The following EHBP1 variants were observed in gnomAD, a reference collection of about 807,000 sequenced individuals.
EHBP1 encodes EH domain binding protein 1.
In EHBP1, 55 loss-of-function variants were observed where a neutral mutation model predicts 144.0. The ratio of observed to expected loss-of-function variants is 0.38; its 90% CI spans 0.31 to 0.48. EHBP1 has a LOEUF of 0.48. Ranked by LOEUF, EHBP1 falls within the 20% of genes least tolerant of loss-of-function variation. The probability of loss-of-function intolerance (pLI) is 0.98; values close to 1 mark genes in which losing one functional copy is unlikely to be tolerated. For missense variants in EHBP1, 1,200 were observed against 1,364.2 expected (o/e 0.88, Z 1.90); for synonymous variants, 469 against 472.7 (o/e 0.99, Z 0.10).
At chr2:62,924,628 C>A (rs2153018245) in intron 10 of EHBP1, among the ~76,000 whole-genome samples, 1 of 152,218 alleles carries the variant, frequency 6.6e-6, no homozygotes, top group South Asian at 2.1e-4. Context: ...AATTCCTGGA[C>A]ACATATCTAC....
chr2:62,805,154 A>G (rs1275781161), intron 5 of EHBP1, among the ~76,000 whole-genome samples: 1 of 152,216 alleles, frequency 6.6e-6, no homozygotes, highest in Non-Finnish European at 1.5e-5. Flanking sequence ...TGAAGAATTG[A>G]CTAAGAATTT....
chr2:62,742,533 T>C (rs993017983), intron 2 of EHBP1, among the ~76,000 whole-genome samples: 1 of 152,088 alleles, frequency 6.6e-6, no homozygotes, highest in South Asian at 2.1e-4. Flanking sequence ...AAATGAGTGG[T>C]CTGAAAAGCA....
At chr2:62,823,968 A>G (rs2046165677) in intron 5 of EHBP1, among the ~76,000 whole-genome samples, 1 of 152,074 alleles carries the variant, frequency 6.6e-6, no homozygotes, top group Admixed American at 6.6e-5. Context: ...TAATTGCTTA[A>G]GTAGTACAGC....
At chr2:62,751,732 A>G (rs554251368) in intron 3 of EHBP1, among the ~76,000 whole-genome samples, 1 of 152,242 alleles carries the variant, frequency 6.6e-6, no homozygotes, top group South Asian at 2.1e-4. Context: ...TGTGTCCAGG[A>G]ATTTATGCAT....
chr2:62,725,343 C>T (rs2036660517), intron 2 of EHBP1, among the ~76,000 whole-genome samples: 1 of 152,190 alleles, frequency 6.6e-6, no homozygotes, highest in African/African-American at 2.4e-5. Flanking sequence ...CGGCAGTGTG[C>T]TAGTGGGTCC....
intron 3 of EHBP1, among the ~76,000 whole-genome samples, chr2:62,763,191 AC>A (rs1452885985): frequency 6.6e-6 from 1 of 151,952 alleles, no homozygotes; most frequent in African/African-American, 2.4e-5. Flanking sequence ...GAAAAATATT[AC>A]CTTTTCTTAC....
chr2:62,847,850 C>T (rs2048401876), intron 7 of EHBP1, among the ~76,000 whole-genome samples: 1 of 151,982 alleles, frequency 6.6e-6, no homozygotes, highest in Non-Finnish European at 1.5e-5. Flanking sequence ...AAGATTTGGA[C>T]ATATGGTTCA....
chr2:62,968,454 A>G (rs546132038), intron 14 of EHBP1, among the ~76,000 whole-genome samples: 1 of 152,198 alleles, frequency 6.6e-6, no homozygotes, highest in Non-Finnish European at 1.5e-5. Flanking sequence ...ACAGAGAGAG[A>G]CAAGAGAGAA....
intron 10 of EHBP1, among the ~76,000 whole-genome samples, chr2:62,933,671 T>C (rs2056171518): frequency 6.6e-6 from 1 of 152,158 alleles, no homozygotes; most frequent in African/African-American, 2.4e-5. Context: ...GGAAAGAGAT[T>C]GGGATAAGAA....
intron 10 of EHBP1, among the ~76,000 whole-genome samples, chr2:62,932,951 C>CA (rs1163755712): frequency 0.019 from 853 of 45,082 alleles, 12 homozygotes; most frequent in African/African-American, 0.028. Flanking sequence ...GACTCCATCT[C>CA]AAAAAAAAAA....
At chr2:62,956,865 T>C (rs1047150164) in intron 14 of EHBP1, among the ~76,000 whole-genome samples, 15 of 152,180 alleles carry the variant, frequency 9.9e-5, no homozygotes, top group East Asian at 7.7e-4. Context: ...AGACTGTCAG[T>C]TGGAACACCT....
At chr2:62,916,888 TTAA>T (rs2054663158) in intron 10 of EHBP1, among the ~76,000 whole-genome samples, 1 of 150,984 alleles carries the variant, frequency 6.6e-6, no homozygotes, top group East Asian at 1.9e-4. Context: ...AGTATACAAT[TTAA>T]TAGCTATTAC....
chr2:63,020,896 T>C (rs2060713647), intron 19 of EHBP1, among the ~76,000 whole-genome samples: 1 of 151,948 alleles, frequency 6.6e-6, no homozygotes, highest in African/African-American at 2.4e-5. Flanking sequence ...CAGGATGGTC[T>C]TGAACTCCTG....
At chr2:62,850,538 G>T (rs1394448719) in intron 7 of EHBP1, among the ~76,000 whole-genome samples, 1 of 152,000 alleles carries the variant, frequency 6.6e-6, no homozygotes, top group African/African-American at 2.4e-5. Flanking sequence ...TGTGAAGCAG[G>T]TCCATAACTG....
chr2:62,720,418 G>T (rs1572955503), intron 2 of EHBP1, among the ~76,000 whole-genome samples: 1 of 152,158 alleles, frequency 6.6e-6, no homozygotes, highest in East Asian at 1.9e-4. Context: ...TTTCCCTTAA[G>T]ATTCTGAAAT....
intron 3 of EHBP1, among the ~76,000 whole-genome samples, chr2:62,761,754 C>T (rs991970477): frequency 6.6e-6 from 1 of 152,194 alleles, no homozygotes; most frequent in Non-Finnish European, 1.5e-5. Flanking sequence ...CTTCTCTCTT[C>T]TGCATCATTA....
At chr2:62,986,900 A>G (rs1262125223) in intron 15 of EHBP1, among the ~76,000 whole-genome samples, 1 of 152,182 alleles carries the variant, frequency 6.6e-6, no homozygotes, top group Non-Finnish European at 1.5e-5. Context: ...AAAGGGACAG[A>G]TGTTGAGGGA....
intron 5 of EHBP1, among the ~76,000 whole-genome samples, chr2:62,772,911 T>A (rs1419871479): frequency 6.6e-6 from 1 of 152,188 alleles, no homozygotes; most frequent in Non-Finnish European, 1.5e-5. Flanking sequence ...GCTGAGAAGT[T>A]TGGTAGTGAG....
At chr2:62,790,058 C>G (rs1029297011) in intron 5 of EHBP1, among the ~76,000 whole-genome samples, 5 of 152,270 alleles carry the variant, frequency 3.3e-5, no homozygotes, top group Admixed American at 6.5e-5. Flanking sequence ...GTGAGCCAGT[C>G]TTTGAAATAA....
Sources: gnomAD v4.1 joint callset for allele counts (sites outside exome capture counted in the v4.1 genomes callset) on GRCh38, gnomAD v4.1.1 for gene constraint, MANE v1.5 for transcripts, NCBI Gene and HGNC (gene_info 2026-07-23, HGNC 2026-07-21) for gene names.